The following SHROOM2 variants were observed in gnomAD, a reference collection of about 807,000 sequenced individuals.
SHROOM2 encodes the protein protein Shroom2.
In SHROOM2, 33 loss-of-function variants were observed where a neutral mutation model predicts 75.9. That is an observed-to-expected ratio of 0.43 (90% CI 0.33 to 0.58). The LOEUF (loss-of-function observed/expected upper bound fraction) is 0.58. SHROOM2 is among the 20% of genes least tolerant of loss of function. The pLI is 0.04. For missense variants in SHROOM2, 1,434 were observed against 1,461.2 expected (o/e 0.98, Z 0.30); for synonymous variants, 655 against 663.6 (o/e 0.99, Z 0.20).
intron 2 of SHROOM2, among the ~76,000 whole-genome samples, chrX:9,886,054 G>A (rs1377765041): frequency 8.9e-6 from 1 of 112,444 alleles, no homozygotes; most frequent in Non-Finnish European, 1.9e-5. Flanking sequence ...GCAGCTTCTG[G>A]GTTTGTTTTC....
chrX:9,908,413 C>CT (rs1829936318), intron 5 of SHROOM2, among the ~76,000 whole-genome samples: 2 of 111,456 alleles, frequency 1.8e-5, no homozygotes, highest in South Asian at 7.5e-4. Context: ...TATGTGTGGA[C>CT]TTTTTCAAGG....
intron 5 of SHROOM2, among the ~76,000 whole-genome samples, chrX:9,904,286 G>A (rs1407493616): frequency 1.8e-5 from 2 of 111,893 alleles, no homozygotes; most frequent in Non-Finnish European, 3.8e-5. Flanking sequence ...TTGGGAGTCT[G>A]AGGCAGGAGG....
intron 1 of SHROOM2, among the ~76,000 whole-genome samples, chrX:9,804,954 G>T (rs2083743388): frequency 9.0e-6 from 1 of 111,008 alleles, no homozygotes; most frequent in African/African-American, 3.3e-5. Flanking sequence ...CCACATAGCA[G>T]CCAGGCACAG....
chrX:9,865,946 C>T (rs955100134), intron 1 of SHROOM2, among the ~76,000 whole-genome samples: 1 of 110,350 alleles, frequency 9.1e-6, no homozygotes, highest in African/African-American at 3.3e-5. Flanking sequence ...GTGCCTTGGC[C>T]ACCCCTGGGG....
intron 5 of SHROOM2, among the ~76,000 whole-genome samples, chrX:9,921,165 C>T (rs2084541171): frequency 9.0e-6 from 1 of 111,422 alleles, no homozygotes; most frequent in Non-Finnish European, 1.9e-5. Flanking sequence ...GCTTGAGTGT[C>T]CTCACAACAT....
chrX:9,852,640 CTGG>C (rs1237854677), intron 1 of SHROOM2, among the ~76,000 whole-genome samples: 1 of 113,021 alleles, frequency 8.8e-6, no homozygotes, highest in South Asian at 3.6e-4. Flanking sequence ...CACTTTCCCC[CTGG>C]GATACCCAGT....
chrX:9,925,882 G>A (rs1169746938), intron 5 of SHROOM2, among the ~76,000 whole-genome samples: 1 of 112,159 alleles, frequency 8.9e-6, no homozygotes, highest in Non-Finnish European at 1.9e-5. Context: ...GAGCTCTCTT[G>A]GCACCTTTTA....
intron 5 of SHROOM2, among the ~76,000 whole-genome samples, chrX:9,922,579 T>C (rs1032858213): frequency 9.0e-6 from 1 of 110,666 alleles, no homozygotes; most frequent in African/African-American, 3.3e-5. Context: ...CCATTCTCAC[T>C]GCTGTGTCTC....
At chrX:9,824,042 TG>T (rs749512677) in intron 1 of SHROOM2, among the ~76,000 whole-genome samples, 1 of 111,008 alleles carries the variant, frequency 9.0e-6, no homozygotes, top group East Asian at 2.9e-4. Context: ...CGTGAGCCAC[TG>T]CAGCGTCCCA....
intron 5 of SHROOM2, among the ~76,000 whole-genome samples, chrX:9,907,508 C>T (rs2084398236): frequency 9.0e-6 from 1 of 111,319 alleles, no homozygotes; most frequent in African/African-American, 3.3e-5. Context: ...TTGTGCGACA[C>T]TCTCAAGCAG....
At chrX:9,859,899 C>T (rs184045567) in intron 1 of SHROOM2, among the ~76,000 whole-genome samples, 9 of 111,693 alleles carry the variant, frequency 8.1e-5, no homozygotes, top group African/African-American at 9.8e-5. Flanking sequence ...GTGAGGAAGA[C>T]GGCTGCCTGT....
chrX:9,793,579 T>C (rs1018673792), intron 1 of SHROOM2, among the ~76,000 whole-genome samples: 4 of 110,854 alleles, frequency 3.6e-5, no homozygotes, highest in African/African-American at 1.3e-4. Context: ...CATGAGCCAC[T>C]GCGCCTGGCC....
chrX:9,899,353 G>C (rs769652299), intron 5 of SHROOM2, among the ~76,000 whole-genome samples: 34 of 111,313 alleles, frequency 3.1e-4, no homozygotes, highest in Non-Finnish European at 6.0e-4. Flanking sequence ...GTGCAATCTT[G>C]TTTCAAAAAG....
chrX:9,875,122 AAAAAC>A (rs1489751962), intron 2 of SHROOM2, among the ~76,000 whole-genome samples: 15 of 97,998 alleles, frequency 1.5e-4, no homozygotes, highest in Admixed American at 4.8e-4. Flanking sequence ...GGGAGGAAGG[AAAAAC>A]ATTTTTTGCC....
chrX:9,937,483 G>A lies in SHROOM2; in HGVS notation c.3937G>A (p.Asp1313Asn), dbSNP rs2084724439. The change falls in exon 7 of 10, where the codon GAC becomes AAC. Residue 1313 changes from aspartate (D) to asparagine (N), a missense_variant. Physicochemically the swap from Asp to Asn is conservative, Grantham distance 23 (BLOSUM62 1). This residue lies in a region of SHROOM2 where 1,340 missense variants were observed against 1,338.3 expected (regional missense o/e 1.00). Transcript: ENST00000380913. ...GAAGGCCAAAGAGAAGACTGTGGAA[G>A]ACCTGAAGTCGGAGGAGCTGGCCAG... is the stretch of plus-strand genomic sequence containing the variant. ...YMKAKEKTVE[D>N]LKSEELAREI... 1 of 1,211,693 alleles carries A rather than the reference G, an allele frequency of 8.3e-7. No homozygotes were observed. The highest frequency in any genetic ancestry group is 1.1e-6 in the Non-Finnish European group (1 of 895,506).
intron 2 of SHROOM2, among the ~76,000 whole-genome samples, chrX:9,883,987 C>T (rs2084245782): frequency 9.0e-6 from 1 of 111,618 alleles, no homozygotes; most frequent in Non-Finnish European, 1.9e-5. Context: ...ACTGCAGACT[C>T]TTCTTTCAAA....
At chrX:9,850,824 T>C (rs2084035148) in intron 1 of SHROOM2, among the ~76,000 whole-genome samples, 1 of 78,002 alleles carries the variant, frequency 1.3e-5, no homozygotes, top group Non-Finnish European at 2.5e-5. Flanking sequence ...CGGATAAGAC[T>C]CTGTGTCAAA....
rs2084805041 is a variant in SHROOM2 at position 9,944,909 on chromosome X, A to G, written c.4580A>G (p.Asp1527Gly). 2 of 1,198,637 alleles carry G rather than the reference A, an allele frequency of 1.7e-6. No individual in the cohort carries two copies. The highest frequency in any genetic ancestry group is 2.3e-6 in the Non-Finnish European group (2 of 888,600). Residue 1527 changes from aspartate to glycine, a missense_variant, in exon 9 of 10, where the codon GAT becomes GGT. By Grantham distance (94) the Asp-to-Gly change is moderately conservative. This residue lies in a region of SHROOM2 where 80 missense variants were observed against 88.4 expected (regional missense o/e 0.90). Transcript: ENST00000380913. The part of the protein sequence containing the change: ...NNLDDGASPG[D>G]RQSLLEKQRV... ...TTGGACGACGGCGCTTCTCCCGGTG[A>G]TCGGGTAAATGCAGATACGTCTGAC...
At position 9,946,877 on chromosome X, in the gene SHROOM2, C is replaced by T. The variant is rs1470419146; in HGVS notation, c.4791C>T (p.His1597=). Residue 1597 remains histidine (H), a synonymous_variant, in exon 10 of 10, where the codon CAC becomes CAT. Coordinates refer to ENST00000380913, the MANE Select transcript of SHROOM2 (RefSeq NM_001649.4). The part of the protein sequence containing the change: ...IEQRELEDKI[H]LGEEQLKCLL... Reference sequence around the variant, plus strand: ...AGCGGGAGCTGGAAGATAAAATCCACCTTGGTGAAGAGCAGCTGAAGTGCT... The same window carrying T: ...AGCGGGAGCTGGAAGATAAAATCCATCTTGGTGAAGAGCAGCTGAAGTGCT... 8.3e-7 allele frequency: 1 copy of T among 1,197,667 alleles called. No homozygotes were observed. Among genetic ancestry groups the T allele is most frequent in the Non-Finnish European group, 1.1e-6 (1 of 887,936 alleles).
Sources: gnomAD v4.1 joint callset for allele counts (sites outside exome capture counted in the v4.1 genomes callset) on GRCh38, gnomAD v4.1.1 for gene constraint, gnomAD v4.1.1 regional missense constraint, MANE v1.5 for transcripts, NCBI Gene and HGNC (gene_info 2026-07-23, HGNC 2026-07-21) for gene names.